Variants in MROH7 observed in about 807,000 individuals in gnomAD.
MROH7 encodes maestro heat like repeat family member 7.
MROH7 carries 113 observed loss-of-function variants against 129.2 expected under a neutral mutation model. The observed-to-expected ratio is 0.87, with a 90% confidence interval of 0.75 to 1.02. MROH7 has a LOEUF of 1.02. MROH7 is among the 50% of genes least tolerant of loss of function. The pLI is 0.00. For synonymous variants in MROH7, 655 were observed against 667.9 expected (o/e 0.98, Z 0.30); for missense variants, 1,601 against 1,671.3 (o/e 0.96, Z 0.73).
intron 1 of MROH7, among the ~76,000 whole-genome samples, chr1:54,646,246 G>T (rs1175098519): frequency 3.3e-5 from 5 of 152,240 alleles, no homozygotes; most frequent in Admixed American, 6.5e-5. Flanking sequence ...GCCACTGCAG[G>T]TTGGATTGGT....
At chr1:54,672,604 C>T (rs1194518771) in intron 7 of MROH7, among the ~76,000 whole-genome samples, 4 of 152,100 alleles carry the variant, frequency 2.6e-5, no homozygotes, top group Non-Finnish European at 5.9e-5. Context: ...CAGAGCATTT[C>T]CCCGGAGATG....
rs1185689878 is a variant in MROH7, at chr1:54,653,457, A to G, written c.531A>G (p.Pro177=). The change falls in exon 3 of 24, where the codon CCA becomes CCG. Residue 177 remains proline (P), a synonymous_variant. Coordinates refer to ENST00000421030, the MANE Select transcript of MROH7 (RefSeq NM_001039464.4). ...NSNPSRHELN[P]FIRHHSREGL... Reference sequence around the variant, plus strand: ...ACCCTTCTAGGCATGAATTAAACCCATTTATAAGGCACCATTCCAGAGAAG... The same window carrying G: ...ACCCTTCTAGGCATGAATTAAACCCGTTTATAAGGCACCATTCCAGAGAAG... The G allele has an allele frequency of 6.2e-7, 1 of 1,614,154 alleles. No homozygotes were observed. The highest frequency in any genetic ancestry group is 1.1e-5 in the South Asian group (1 of 91,082).
At chr1:54,693,858 C>T (rs1371155283) in intron 16 of MROH7, among the ~76,000 whole-genome samples, 1 of 152,196 alleles carries the variant, frequency 6.6e-6, no homozygotes, top group African/African-American at 2.4e-5. Flanking sequence ...TTAATCCTCA[C>T]CGTGACTGAT....
intron 10 of MROH7, among the ~76,000 whole-genome samples, chr1:54,676,842 G>A (rs1353077279): frequency 4.6e-5 from 7 of 151,934 alleles, no homozygotes; most frequent in African/African-American, 1.7e-4. Flanking sequence ...CTGAGTAGCT[G>A]GGATTACAGG....
intron 17 of MROH7, chr1:54,699,933 G>A (rs1259705147): frequency 2.7e-5 from 16 of 591,982 alleles, no homozygotes; most frequent in South Asian, 1.7e-4. Flanking sequence ...GGGCATCCCA[G>A]GAGAAGGGCA....
chr1:54,670,271 C>G (rs1245250921), intron 5 of MROH7, among the ~76,000 whole-genome samples: 2 of 152,126 alleles, frequency 1.3e-5, no homozygotes, highest in Non-Finnish European at 2.9e-5. Context: ...GAGTTTGAGA[C>G]CAGCCTGGGC....
chr1:54,686,193 G>A lies in MROH7; in HGVS notation c.2521-65G>A, dbSNP rs1645144045. ...CCTACCTCCCAGAGAGGCAGTCCAGGCCCCAGCCAGGAGTGCTGGGAAGAT... is the reference window on the plus strand; with the variant it reads ...CCTACCTCCCAGAGAGGCAGTCCAGACCCCAGCCAGGAGTGCTGGGAAGAT... On this transcript the variant is annotated intron_variant, in intron 14 of 23. Coordinates refer to ENST00000421030, the MANE Select transcript of MROH7 (RefSeq NM_001039464.4). The A allele has an allele frequency of 2.9e-5, 42 of 1,445,206 alleles. No individual in the cohort carries two copies. The South Asian group carries it at 5.6e-4, about 19-fold the overall frequency. The allele number at this position is 1,445,206 out of a possible 1,614,324, so 89.5% of individuals were successfully genotyped here. A position where few individuals can be genotyped will look rare whatever the true frequency, so the allele number is the denominator to read the frequency against.
At chr1:54,692,732 A>G (rs938262406) in intron 16 of MROH7, among the ~76,000 whole-genome samples, 171 bp downstream of exon 16, 2 of 152,228 alleles carry the variant, frequency 1.3e-5, no homozygotes, top group African/African-American at 4.8e-5. Flanking sequence ...TAGACAATAC[A>G]AATGTTAAAG....
Position 54,686,458 on chromosome 1 carries a change from G to A in MROH7, c.2711+10G>A, listed in dbSNP as rs1462905472. ...CCTTCGTACCTGTGCGGTATGCTCTGCCCTCTCTCTTGACCCTGCTGTCCC... is the reference window on the plus strand; with the variant it reads ...CCTTCGTACCTGTGCGGTATGCTCTACCCTCTCTCTTGACCCTGCTGTCCC... On this transcript the variant is annotated intron_variant, in intron 15 of 23. Transcript: ENST00000421030. 1.2e-6 allele frequency: 2 copies of A among 1,612,418 alleles called. No individual in the cohort carries two copies. Among genetic ancestry groups the A allele is most frequent in the East Asian group, 2.2e-5 (1 of 44,882 alleles).
chr1:54,682,883 G>A (rs997417744), intron 14 of MROH7, 89 bp downstream of exon 14: 23 of 1,451,508 alleles, frequency 1.6e-5, no homozygotes, highest in Admixed American at 4.0e-5. Flanking sequence ...ACCCGGCCTC[G>A]AGTACCGCAC....
chr1:54,654,900 C>A (rs1337571897), intron 3 of MROH7, among the ~76,000 whole-genome samples: 1 of 152,046 alleles, frequency 6.6e-6, no homozygotes, highest in Non-Finnish European at 1.5e-5. Context: ...GTTTCTGATG[C>A]TGTAAATATC....
chr1:54,691,896 G>A (rs894119994), intron 15 of MROH7, among the ~76,000 whole-genome samples: 2 of 42,502 alleles, frequency 4.7e-5, no homozygotes, highest in East Asian at 1.5e-3. Flanking sequence ...CACCCCCCAT[G>A]TATGAACACA....
rs1645148121 is a variant in MROH7 at position 54,686,380 on chromosome 1, G to A, written c.2643G>A (p.Leu881=). Residue 881 remains leucine, a synonymous_variant, in exon 15 of 24, where the codon CTG becomes CTA. Transcript: ENST00000421030. ...TCCATTACCACATCGGCCTCAACCTGCCTGGCTGCGTGGCTCCTCCCAAGG... is the reference window on the plus strand; with the variant it reads ...TCCATTACCACATCGGCCTCAACCTACCTGGCTGCGTGGCTCCTCCCAAGG... ...IQVHYHIGLN[L]PGCVAPPKDT... is the part of the protein sequence containing the mutation. 1.2e-6 allele frequency: 2 copies of A among 1,614,032 alleles called. No homozygotes were observed. The highest frequency in any genetic ancestry group is 2.7e-5 in the African/African-American group (2 of 74,934).
chr1:54,646,542 TTTTATGGTTG>T (rs1303781064), intron 1 of MROH7, among the ~76,000 whole-genome samples: 1 of 152,204 alleles, frequency 6.6e-6, no homozygotes, highest in Non-Finnish European at 1.5e-5. Context: ...ATCAGAATCC[TTTTATGGTTG>T]TCTGTTGAAC....
At chr1:54,654,301 T>A (rs1270166925) in intron 3 of MROH7, 144 bp downstream of exon 3, 4 of 853,036 alleles carry the variant, frequency 4.7e-6, no homozygotes, top group Non-Finnish European at 5.2e-6. Flanking sequence ...ACTAGACATC[T>A]AATAATCGGC....
intron 14 of MROH7, among the ~76,000 whole-genome samples, chr1:54,685,540 G>A (rs991718355): frequency 9.9e-5 from 15 of 151,774 alleles, no homozygotes; most frequent in African/African-American, 3.6e-4. Flanking sequence ...CCACCCCCTA[G>A]TATTGCCCTT....
rs1645476197 is a variant in MROH7, at chr1:54,703,696, A to T, written c.3564+951A>T. On this transcript the variant is annotated intron_variant, in intron 21 of 23. Coordinates refer to ENST00000421030, the MANE Select transcript of MROH7 (RefSeq NM_001039464.4). The surrounding 1 kb of genome is among the most constrained non-coding windows in gnomAD (Gnocchi z 4.4). ...TCTGCAGGATACAGCCTAGTCCTCC[A>T]TATGTCATTTGGGAGGATTTGCCCG... Among the ~76,000 whole-genome samples the T allele has an allele frequency of 3.3e-5, 5 of 152,144 alleles. No homozygotes were observed. The highest frequency in any genetic ancestry group is 4.1e-4 in the South Asian group (2 of 4,824).
intron 9 of MROH7, 91 bp downstream of exon 9, chr1:54,673,896 GCTCTTGCCATCTTCAGAGGGCTGTGCTAT>G: frequency 1.3e-6 from 2 of 1,517,732 alleles, no homozygotes; most frequent in East Asian, 4.5e-5. Flanking sequence ...TTCCCAGGTG[GCTCTTGCCATCTTCAGAGGGCTGTGCTAT>G]CTGGGCCAGA....
In MROH7 at chr1:54,653,082, T is replaced by A. The variant is rs1484449877; in HGVS notation, c.156T>A (p.Ser52Arg). The change falls in exon 3 of 24, where the codon AGT becomes AGA. Residue 52 changes from serine (S) to arginine (R), a missense_variant. Transcript: ENST00000421030. ...AQVPMLNLLPSPGLALVPDLN... is the reference protein window; with the variant it reads ...AQVPMLNLLPRPGLALVPDLN... ...TGCCTATGTTGAATCTGCTCCCAAGTCCTGGCTTGGCTCTCGTTCCAGATC... is the reference window on the plus strand; with the variant it reads ...TGCCTATGTTGAATCTGCTCCCAAGACCTGGCTTGGCTCTCGTTCCAGATC... 2 of 1,614,058 alleles carry A rather than the reference T, an allele frequency of 1.2e-6. No individual in the cohort carries two copies. Among genetic ancestry groups the A allele is most frequent in the Admixed American group, 1.7e-5 (1 of 60,004 alleles).
Sources: gnomAD v4.1 joint callset for allele counts (sites outside exome capture counted in the v4.1 genomes callset) on GRCh38, gnomAD v4.1.1 for gene constraint, Gnocchi (gnomAD v3.1) non-coding constraint, MANE v1.5 for transcripts, NCBI Gene and HGNC (gene_info 2026-07-23, HGNC 2026-07-21) for gene names.